CRB1: variants seen among roughly 807,000 people sequenced by gnomAD.
CRB1 encodes crumbs cell polarity complex component 1.
CRB1 carries 83 observed loss-of-function variants against 120.0 expected under a neutral mutation model. The observed-to-expected ratio is 0.69, with a 90% CI of 0.58 to 0.83. The LOEUF is 0.83. CRB1 is among the 40% of genes least tolerant of loss of function. CRB1 has a pLI of 0.00. For synonymous variants in CRB1, 625 were observed against 612.5 expected (o/e 1.02, Z -0.30); for missense variants, 1,699 against 1,687.6 (o/e 1.01, Z -0.12).
intron 4 of CRB1, among the ~76,000 whole-genome samples, chr1:197,349,380 A>G (rs1032394055): frequency 2.0e-5 from 3 of 152,182 alleles, no homozygotes; most frequent in African/African-American, 7.2e-5. Context: ...TCTTTTTTAA[A>G]ATCTAATTCT....
At chr1:197,213,947 A>G in the CRB1 span, among the ~76,000 whole-genome samples, 1 of 152,128 alleles carries the variant, frequency 6.6e-6, no homozygotes, top group Non-Finnish European at 1.5e-5. Context: ...CAAATAAACA[A>G]TCTAACTTTC....
chr1:197,356,952 T>C lies in CRB1; in HGVS notation c.1110T>C (p.Pro370=). The C allele has an allele frequency of 6.2e-7, 1 of 1,614,152 alleles. No individual in the cohort carries two copies. ...EKQYGRITGL[P]SSFSYHEASG... Reference sequence around the variant, plus strand: ...AATATGGACGCATCACTGGACTGCCTTCTTCTTTCAGCTACCATGAAGCCT... The same window carrying C: ...AATATGGACGCATCACTGGACTGCCCTCTTCTTTCAGCTACCATGAAGCCT... The change falls in exon 5 of 12, where the codon CCT becomes CCC. Residue 370 remains proline, a synonymous_variant. Transcript: ENST00000367400.
chr1:197,245,229 AG>A, the CRB1 span, among the ~76,000 whole-genome samples: 1 of 151,976 alleles, frequency 6.6e-6, no homozygotes, highest in Non-Finnish European at 1.5e-5. Context: ...ACCCCACAAC[AG>A]GCCCCGGTGT....
chr1:197,431,862 G>T (rs567692209), intron 8 of CRB1, among the ~76,000 whole-genome samples: 2 of 152,072 alleles, frequency 1.3e-5, no homozygotes, highest in African/African-American at 2.4e-5. Flanking sequence ...TAATTGACAG[G>T]TATGAACCCA....
At chr1:197,332,676 G>A (rs1658933297) in intron 2 of CRB1, among the ~76,000 whole-genome samples, 1 of 152,198 alleles carries the variant, frequency 6.6e-6, no homozygotes, top group South Asian at 2.1e-4. Flanking sequence ...AGGGAGCTCT[G>A]AAACAGAGGT....
At chr1:197,291,198 A>G (rs1463132918) in intron 1 of CRB1, among the ~76,000 whole-genome samples, 2 of 151,820 alleles carry the variant, frequency 1.3e-5, no homozygotes, top group East Asian at 1.9e-4. Flanking sequence ...TGGACAATAT[A>G]GTCTTTAAAA....
At chr1:197,432,683 C>G (rs1664931954) in intron 8 of CRB1, among the ~76,000 whole-genome samples, 1 of 151,992 alleles carries the variant, frequency 6.6e-6, no homozygotes, top group Admixed American at 6.6e-5. Flanking sequence ...TGCAGAAAGA[C>G]AGTGAAGGAA....
chr1:197,260,784 C>A, the CRB1 span, among the ~76,000 whole-genome samples: 1 of 151,902 alleles, frequency 6.6e-6, no homozygotes, highest in Admixed American at 6.6e-5. Context: ...GCAACCTCCG[C>A]CTCCCAGGTT....
At chr1:197,430,474 AAAG>A (rs1250634415) in intron 8 of CRB1, among the ~76,000 whole-genome samples, 2 of 152,128 alleles carry the variant, frequency 1.3e-5, no homozygotes, top group African/African-American at 2.4e-5. Context: ...TCTCTGCCTT[AAAG>A]AATAGGGAGT....
rs201885772 is a variant in CRB1 at position 197,421,535 on chromosome 1, C to A, written c.1707C>A (p.Phe569Leu). 2.5e-6 allele frequency: 4 copies of A among 1,614,218 alleles called. 1 individual carries two copies. In the South Asian group the frequency reaches 4.4e-5, roughly 18 times the overall value. Residue 569 changes from phenylalanine to leucine, a missense_variant, in exon 6 of 12, where the codon TTC (phenylalanine) becomes TTA (leucine). Coordinates refer to ENST00000367400, the MANE Select transcript of CRB1 (RefSeq NM_201253.3). ...ACACCAGCGATGGAGAGTGGCATTT[C>A]GTGGAGGTAATATTTGCAGAGGCTG... is the stretch of plus-strand genomic sequence containing the variant. Reference protein sequence around the residue: ...SHNTSDGEWHFVEVIFAEAVT... With the variant: ...SHNTSDGEWHLVEVIFAEAVT...
chr1:197,436,051 A>G (rs1431499592), intron 9 of CRB1, among the ~76,000 whole-genome samples: 6 of 152,142 alleles, frequency 3.9e-5, no homozygotes, highest in South Asian at 2.1e-4. Context: ...ACATTAAAGT[A>G]TACAGCTGAC....
chr1:197,297,226 A>G (rs995661916), intron 1 of CRB1, among the ~76,000 whole-genome samples: 1 of 151,772 alleles, frequency 6.6e-6, no homozygotes, highest in African/African-American at 2.4e-5. Flanking sequence ...AACACTCCTG[A>G]TATCCATCCC....
Position 197,328,716 on chromosome 1 carries a change from G to A in CRB1, c.365G>A (p.Gly122Glu). ...GSCGKNSCQHGGICHQDPIYP... is the reference protein window; with the variant it reads ...GSCGKNSCQHEGICHQDPIYP... The stretch of plus-strand genomic sequence containing the variant: ...TGTGGCAAGAACTCCTGCCAACATG[G>A]AGGTATTTGCCATCAGGACCCTATT... The change falls in exon 2 of 12, where the codon GGA becomes GAA. Residue 122 changes from glycine (G) to glutamate (E), a missense_variant. Transcript: ENST00000367400. 5 of 1,612,622 alleles carry A rather than the reference G, an allele frequency of 3.1e-6. No individual in the cohort carries two copies. The highest frequency in any genetic ancestry group is 4.2e-6 in the Non-Finnish European group (5 of 1,178,850).
chr1:197,438,557 T>A lies in CRB1; in HGVS notation c.3760T>A (p.Leu1254Ile), dbSNP rs200163174. The A allele has an allele frequency of 6.2e-7, 1 of 1,612,412 alleles. No individual in the cohort carries two copies. Among genetic ancestry groups the A allele is most frequent in the Non-Finnish European group, 8.5e-7 (1 of 1,178,730 alleles). ...FTGKFCRQSR[L>I]PSTVCGNEKT... Reference sequence around the variant, plus strand: ...CTTTTATCTCTCTAGACAGAGCAGATTACCCTCAACAGTCTGTGGGAATGA... The same window carrying A: ...CTTTTATCTCTCTAGACAGAGCAGAATACCCTCAACAGTCTGTGGGAATGA... Residue 1254 changes from leucine to isoleucine, a missense_variant, in exon 10 of 12, where the codon TTA becomes ATA. Physicochemically the swap from Leu to Ile is conservative, Grantham distance 5 (BLOSUM62 2). Coordinates refer to ENST00000367400, the MANE Select transcript of CRB1 (RefSeq NM_201253.3).
At chr1:197,374,261 T>C (rs969208669) in intron 5 of CRB1, among the ~76,000 whole-genome samples, 1 of 152,114 alleles carries the variant, frequency 6.6e-6, no homozygotes, top group Admixed American at 6.5e-5. Context: ...CAGAAAACCA[T>C]ACTATCCCCC....
chr1:197,265,529 A>C (rs1654613214), upstream of CRB1, among the ~76,000 whole-genome samples: 1 of 152,106 alleles, frequency 6.6e-6, no homozygotes, highest in Admixed American at 6.6e-5. Flanking sequence ...GAGCTCACTT[A>C]CATATTTCTA....
At chr1:197,247,880 C>G in the CRB1 span, among the ~76,000 whole-genome samples, 1 of 151,990 alleles carries the variant, frequency 6.6e-6, no homozygotes, top group Non-Finnish European at 1.5e-5. Flanking sequence ...TCACATGACT[C>G]TTCACCTTAA....
chr1:197,317,416 T>G lies in CRB1; in HGVS notation c.71-11006T>G, dbSNP rs565605442. ...CTGGGTGACAGAGTGAGACTCTGCC[T>G]CAAAAAAACAAAAAACAAAACAAAA... On this transcript the variant is annotated intron_variant, in intron 1 of 11. Coordinates refer to ENST00000367400, the MANE Select transcript of CRB1 (RefSeq NM_201253.3). Among the ~76,000 whole-genome samples the G allele has an allele frequency of 3.4e-4, 51 of 150,934 alleles. 1 individual carries two copies. Among genetic ancestry groups the G allele is most frequent in the African/African-American group, 1.2e-3 (48 of 41,064 alleles).
chr1:197,223,096 G>T, the CRB1 span: 10 of 806,054 alleles, frequency 1.2e-5, no homozygotes, highest in Non-Finnish European at 2.0e-5. Flanking sequence ...ATAACCTTGC[G>T]TATAATTTTG....
Sources: gnomAD v4.1 joint callset for allele counts (sites outside exome capture counted in the v4.1 genomes callset) on GRCh38, gnomAD v4.1.1 for gene constraint, MANE v1.5 for transcripts, NCBI Gene and HGNC (gene_info 2026-07-23, HGNC 2026-07-21) for gene names.